EPHA6: variants seen among roughly 807,000 people sequenced by gnomAD.
EPHA6 encodes the protein ephrin type-A receptor 6.
Under a neutral mutation model 112.0 loss-of-function variants are expected in EPHA6, and 50 were observed. The ratio of observed to expected loss-of-function variants is 0.45; its 90% CI spans 0.36 to 0.56. The LOEUF is 0.56. EPHA6 is among the 20% of genes least tolerant of loss of function. The probability of loss-of-function intolerance (pLI) is 0.00; values close to 1 mark genes in which losing one functional copy is unlikely to be tolerated. For synonymous variants in EPHA6, 529 were observed against 490.7 expected, an observed-to-expected ratio of 1.08 and a Z score of -1.03; for missense variants, 1,280 against 1,417.4, an observed-to-expected ratio of 0.90 and a Z score of 1.56.
intron 2 of EPHA6, among the ~76,000 whole-genome samples, chr3:96,936,614 T>G (rs1486127069): frequency 6.6e-6 from 1 of 151,716 alleles, no homozygotes; most frequent in Non-Finnish European, 1.5e-5. Flanking sequence ...TAATTTAATT[T>G]TATTATTATT....
rs1350217654 is a variant in EPHA6 at position 96,984,775 on chromosome 3, G to C, written c.451-2555G>C. Among the ~76,000 whole-genome samples, 3 of 152,170 alleles carry C rather than the reference G, an allele frequency of 2.0e-5. No individual in the cohort carries two copies. The South Asian group carries it at 6.2e-4, about 32-fold the overall frequency. On this transcript the variant is annotated intron_variant, in intron 2 of 17. Coordinates refer to ENST00000389672, the MANE Select transcript of EPHA6 (RefSeq NM_001080448.3). ...TGGTGGGCGTCCCTCCCCCAGCCCT[G>C]CTGCCTTGCAGTTTGATCTCAGACT...
At chr3:97,586,040 G>A in intron 11 of EPHA6, among the ~76,000 whole-genome samples, 1 of 152,164 alleles carries the variant, frequency 6.6e-6, no homozygotes, top group East Asian at 1.9e-4. Context: ...CTTGGCCTAG[G>A]AAGCAATTGA....
chr3:97,321,328 C>T (rs1354903782), intron 5 of EPHA6, among the ~76,000 whole-genome samples: 1 of 151,830 alleles, frequency 6.6e-6, no homozygotes, highest in African/African-American at 2.4e-5. Flanking sequence ...AACACTAAGC[C>T]CATGAATACT....
chr3:97,600,039 G>A (rs1461754532), intron 12 of EPHA6, among the ~76,000 whole-genome samples: 2 of 150,920 alleles, frequency 1.3e-5, no homozygotes, highest in East Asian at 3.9e-4. Context: ...TTGTGAATGG[G>A]AGTTCACTCA....
chr3:97,051,710 G>T (rs1450384717), intron 3 of EPHA6, among the ~76,000 whole-genome samples: 1 of 152,086 alleles, frequency 6.6e-6, no homozygotes, highest in Non-Finnish European at 1.5e-5. Context: ...AGTTAATTCT[G>T]TGGTTCTCAA....
intron 12 of EPHA6, among the ~76,000 whole-genome samples, chr3:97,593,255 T>G (rs115938607): frequency 0.015 from 2,261 of 152,304 alleles, 51 homozygotes; most frequent in African/African-American, 0.052. Context: ...AATGCCAATC[T>G]GACCAAAGCC....
intron 16 of EPHA6, among the ~76,000 whole-genome samples, 154 bp from the exon 17 acceptor site, chr3:97,747,269 G>C (rs1347526842): frequency 2.0e-5 from 3 of 152,010 alleles, no homozygotes; most frequent in Non-Finnish European, 4.4e-5. Flanking sequence ...TAAAGTGACT[G>C]ATTTGAATAA....
chr3:96,942,674 G>A (rs1383391952), intron 2 of EPHA6, among the ~76,000 whole-genome samples: 1 of 152,214 alleles, frequency 6.6e-6, no homozygotes, highest in Non-Finnish European at 1.5e-5. Flanking sequence ...TACCTTAGAT[G>A]GAAATGCAGA....
intron 3 of EPHA6, among the ~76,000 whole-genome samples, chr3:97,095,279 A>G (rs1027471200): frequency 2.0e-5 from 3 of 151,878 alleles, no homozygotes; most frequent in Admixed American, 6.6e-5. Context: ...AGGAAGGGGA[A>G]CATCACACAC....
chr3:97,421,108 ACTT>A (rs202177964), intron 6 of EPHA6, among the ~76,000 whole-genome samples: 1,972 of 152,158 alleles, frequency 0.013, 21 homozygotes, highest in Middle Eastern at 0.031. Context: ...ATATTACACT[ACTT>A]CTCCCAAAAC....
In EPHA6 at chr3:96,909,289, T is replaced by TA. The variant is rs1308482065; in HGVS notation, c.450+42402dup. On this transcript the variant is annotated intron_variant, in intron 2 of 17. Transcript: ENST00000389672. ...AAGTAAGCAAACAACAATTGTGTTT[T>TA]AATTTCTTAAGCTAGTCCAGTAGAT... is the stretch of plus-strand genomic sequence containing the variant. Among the ~76,000 whole-genome samples, 4 of 152,086 alleles carry TA rather than the reference T, an allele frequency of 2.6e-5. No homozygotes were observed. The South Asian group carries it at 8.3e-4, about 32-fold the overall frequency.
chr3:97,567,683 T>C (rs894411047), intron 11 of EPHA6, among the ~76,000 whole-genome samples: 3 of 152,032 alleles, frequency 2.0e-5, no homozygotes, highest in Non-Finnish European at 2.9e-5. Context: ...GAGGCAGAGA[T>C]TGGACTGAAT....
Position 97,748,954 on chromosome 3 carries a change from A to G in EPHA6, c.*253A>G. On this transcript the variant is annotated 3_prime_UTR_variant, in exon 18 of 18. Coordinates refer to ENST00000389672, the MANE Select transcript of EPHA6 (RefSeq NM_001080448.3). ...ATTGCTACGCAATGGTAAATAACTCAGCATGGATGTGTAATTTTGTATAAG... is the reference window on the plus strand; with the variant it reads ...ATTGCTACGCAATGGTAAATAACTCGGCATGGATGTGTAATTTTGTATAAG... 1 of 453,972 alleles carries G rather than the reference A, an allele frequency of 2.2e-6. No individual in the cohort carries two copies. Among genetic ancestry groups the G allele is most frequent in the Middle Eastern group, 6.0e-4 (1 of 1,664 alleles). 28.1% of individuals were successfully genotyped at this position (453,972 alleles called of 1,614,324 possible).
intron 6 of EPHA6, among the ~76,000 whole-genome samples, chr3:97,411,869 GTAA>G (rs1048449752): frequency 6.6e-6 from 1 of 152,054 alleles, no homozygotes; most frequent in Non-Finnish European, 1.5e-5. Flanking sequence ...TGATCCAGTG[GTAA>G]TAAACTCAGG....
At chr3:96,897,758 A>T (rs1212651585) in intron 2 of EPHA6, among the ~76,000 whole-genome samples, 1 of 152,200 alleles carries the variant, frequency 6.6e-6, no homozygotes, top group Non-Finnish European at 1.5e-5. Context: ...TTTTTTCTAG[A>T]TGCATTGCAA....
intron 3 of EPHA6, among the ~76,000 whole-genome samples, chr3:97,031,323 G>C (rs1305729608): frequency 6.6e-6 from 1 of 152,094 alleles, no homozygotes; most frequent in Non-Finnish European, 1.5e-5. Flanking sequence ...TTAAATGTTA[G>C]ACGTAAAACC....
At chr3:96,960,510 C>T (rs141004207) in intron 2 of EPHA6, among the ~76,000 whole-genome samples, 9 of 152,234 alleles carry the variant, frequency 5.9e-5, no homozygotes, top group South Asian at 2.1e-4. Context: ...AACTAGGGAA[C>T]GATTTTATAA....
chr3:97,230,995 T>C (rs1051614064), intron 4 of EPHA6, among the ~76,000 whole-genome samples: 1 of 152,206 alleles, frequency 6.6e-6, no homozygotes, highest in Admixed American at 6.5e-5. Context: ...GGGTGATTTC[T>C]ACTTTGTTTT....
intron 11 of EPHA6, among the ~76,000 whole-genome samples, chr3:97,573,512 G>A (rs769635938): frequency 6.6e-6 from 1 of 151,994 alleles, no homozygotes; most frequent in African/African-American, 2.4e-5. Context: ...TACATTTTAA[G>A]GTCAGCTTTA....
Sources: allele counts gnomAD v4.1 joint callset (sites outside exome capture counted in the v4.1 genomes callset), GRCh38; gene constraint gnomAD v4.1.1; transcripts MANE v1.5; gene names NCBI Gene and HGNC (gene_info 2026-07-23, HGNC 2026-07-21).